The following NPR3 variants were observed in gnomAD, a reference collection of about 807,000 sequenced individuals.
NPR3 encodes atrial natriuretic peptide receptor 3.
Under a neutral mutation model 54.5 loss-of-function variants are expected in NPR3, and 34 were observed. That is an observed-to-expected ratio of 0.62 (90% CI 0.47 to 0.83). The LOEUF is 0.83. Ranked by LOEUF, NPR3 falls within the 40% of genes least tolerant of loss-of-function variation. The pLI, the probability that NPR3 is intolerant of heterozygous loss-of-function variation, is 0.00. For missense variants in NPR3, 674 were observed against 720.8 expected (o/e 0.94, Z 0.74); for synonymous variants, 289 against 297.1 (o/e 0.97, Z 0.28).
intron 1 of NPR3, among the ~76,000 whole-genome samples, chr5:32,698,589 T>C (rs1438949366): frequency 6.6e-6 from 1 of 152,198 alleles, no homozygotes; most frequent in Non-Finnish European, 1.5e-5. Flanking sequence ...AGTCTCCACC[T>C]ATTATTGTAT....
rs1303236527 is a variant in NPR3 at position 32,718,108 on chromosome 5, T to C, written c.769+5563T>C. Among the ~76,000 whole-genome samples the C allele has an allele frequency of 2.0e-5, 3 of 152,218 alleles. No individual in the cohort carries two copies. The East Asian group carries it at 5.8e-4, about 29-fold the overall frequency. ...AATTTTCCCAGCACCATTTATTAAA[T>C]AGGGAATTCTTTCCCCATTTCTCAT... On this transcript the variant is annotated intron_variant, in intron 1 of 7. Transcript: ENST00000265074.
At chr5:32,693,565 A>G (rs552687934) in intron 1 of NPR3, among the ~76,000 whole-genome samples, 6 of 152,332 alleles carry the variant, frequency 3.9e-5, no homozygotes, top group East Asian at 1.9e-4. Flanking sequence ...GAAATTTGGT[A>G]TATTTTTGTC....
rs1742883946 is a variant in NPR3, at chr5:32,791,091, A to G, written c.*4746A>G. 1 of 167,114 alleles carries G rather than the reference A, an allele frequency of 6.0e-6. No individual in the cohort carries two copies. The highest frequency in any genetic ancestry group is 2.4e-5 in the African/African-American group (1 of 41,468). 10.4% of individuals were successfully genotyped at this position (167,114 alleles called of 1,614,324 possible). A position where few individuals can be genotyped will look rare whatever the true frequency, so the allele number is the denominator to read the frequency against. Reference sequence around the variant, plus strand: ...GACAGAGATGGCTAAAAAAGAGGCAAATTCAGATTTGGAAACAGGGTGGCC... The same window carrying G: ...GACAGAGATGGCTAAAAAAGAGGCAGATTCAGATTTGGAAACAGGGTGGCC... On this transcript the variant is annotated 3_prime_UTR_variant, in exon 8 of 8. Transcript: ENST00000265074.
intron 3 of NPR3, among the ~76,000 whole-genome samples, chr5:32,769,062 C>A (rs966965027): frequency 1.3e-5 from 2 of 152,120 alleles, no homozygotes; most frequent in Admixed American, 1.3e-4. Context: ...AGTGAGAATT[C>A]CATGAAGACA....
At chr5:32,736,818 G>A (rs768300971) in intron 2 of NPR3, among the ~76,000 whole-genome samples, 30 of 152,140 alleles carry the variant, frequency 2.0e-4, no homozygotes, top group Non-Finnish European at 3.5e-4. Context: ...GTCAAGTTTT[G>A]CTCGGTGGCC....
rs1739905469 is a variant in NPR3 at position 32,739,067 on chromosome 5, C to T, written c.1059+37C>T. On this transcript the variant is annotated intron_variant, in intron 3 of 7. Transcript: ENST00000265074. ...ATTATGAGCCTAGACCTTTAGCATC[C>T]TGAAAACTGTCTTCTAATTAAATCA... The T allele has an allele frequency of 5.0e-6, 8 of 1,588,710 alleles. No individual in the cohort carries two copies. In the South Asian group the frequency reaches 8.0e-5, roughly 16 times the overall value.
At chr5:32,738,491 C>G (rs1739869157) in intron 2 of NPR3, among the ~76,000 whole-genome samples, 1 of 152,168 alleles carries the variant, frequency 6.6e-6, no homozygotes, top group Admixed American at 6.5e-5. Flanking sequence ...TGATTCACCT[C>G]CACAGTTGAT....
At chr5:32,723,596 A>G (rs1738980710) in intron 1 of NPR3, among the ~76,000 whole-genome samples, 1 of 152,334 alleles carries the variant, frequency 6.6e-6, no homozygotes, top group African/African-American at 2.4e-5. Flanking sequence ...AGGACAATGC[A>G]TTTACCATGC....
Position 32,713,462 on chromosome 5 carries a change from A to G in NPR3, c.769+917A>G, listed in dbSNP as rs545827249. 4 of 985,240 alleles carry G rather than the reference A, an allele frequency of 4.1e-6. No individual in the cohort carries two copies. In the African/African-American group the frequency reaches 7.0e-5, roughly 17 times the overall value. 61.0% of individuals were successfully genotyped at this position (985,240 alleles called of 1,614,324 possible). A position where few individuals can be genotyped will look rare whatever the true frequency, so the allele number is the denominator to read the frequency against. On this transcript the variant is annotated intron_variant, in intron 1 of 7. Transcript: ENST00000265074. ...TAGGGTAGAATCTGAGGGAAGGCGG[A>G]CTGAGATGCCGGTATAGCGCCGATC...
rs755963079 is a variant in NPR3 at position 32,780,705 on chromosome 5, C to T, written c.1196-17C>T. Reference sequence around the variant, plus strand: ...TTTAAGTAACCAACGTTGAGTTCTTCGCTTCTGGTCCTGTAGGTATCGCCG... The same window carrying T: ...TTTAAGTAACCAACGTTGAGTTCTTTGCTTCTGGTCCTGTAGGTATCGCCG... On this transcript the variant is annotated splice_polypyrimidine_tract_variant and intron_variant, in intron 4 of 7. Coordinates refer to ENST00000265074, the MANE Select transcript of NPR3 (RefSeq NM_001204375.2). 2.6e-5 allele frequency: 31 copies of T among 1,190,592 alleles called. No individual in the cohort carries two copies. The East Asian group carries it at 4.2e-4, about 16-fold the overall frequency. The allele number at this position is 1,190,592 out of a possible 1,614,324, so 73.8% of individuals were successfully genotyped here. A position where few individuals can be genotyped will look rare whatever the true frequency, so the allele number is the denominator to read the frequency against.
chr5:32,751,993 G>A lies in NPR3; in HGVS notation c.1059+12963G>A, dbSNP rs532152369. Reference sequence around the variant, plus strand: ...AAGCCAGGTGGATCACCTGAGGTCGGGAGTTCAAGACCAGCCTGGCCAACA... The same window carrying A: ...AAGCCAGGTGGATCACCTGAGGTCGAGAGTTCAAGACCAGCCTGGCCAACA... On this transcript the variant is annotated intron_variant, in intron 3 of 7. Coordinates refer to ENST00000265074, the MANE Select transcript of NPR3 (RefSeq NM_001204375.2). Among the ~76,000 whole-genome samples the A allele has an allele frequency of 5.3e-5, 8 of 152,164 alleles. 1 individual carries two copies. The South Asian group carries it at 1.7e-3, about 32-fold the overall frequency.
At chr5:32,698,227 C>T (rs1405400411) in intron 1 of NPR3, among the ~76,000 whole-genome samples, 1 of 151,958 alleles carries the variant, frequency 6.6e-6, no homozygotes, top group Non-Finnish European at 1.5e-5. Flanking sequence ...AAATTTCCTT[C>T]TTAATTTCTT....
intron 3 of NPR3, among the ~76,000 whole-genome samples, chr5:32,758,183 G>T (rs1268646247): frequency 2.0e-5 from 3 of 152,194 alleles, no homozygotes; most frequent in Admixed American, 1.3e-4. Context: ...AATGGTACCA[G>T]TTCCTCCTTG....
intron 4 of NPR3, 143 bp from the exon 5 acceptor site, chr5:32,780,579 C>A: frequency 1.5e-6 from 1 of 653,046 alleles, no homozygotes; most frequent in South Asian, 1.7e-5. Flanking sequence ...TCCAAAATGC[C>A]AACAAAAATG....
At chr5:32,781,254 G>A (rs1003881312) in intron 5 of NPR3, among the ~76,000 whole-genome samples, 3 of 151,928 alleles carry the variant, frequency 2.0e-5, no homozygotes, top group Non-Finnish European at 4.4e-5. Flanking sequence ...GTGCTTGGGA[G>A]TGTGAACTCT....
intron 1 of NPR3, among the ~76,000 whole-genome samples, chr5:32,721,504 G>T (rs1026906298): frequency 6.6e-6 from 1 of 152,148 alleles, no homozygotes; most frequent in Non-Finnish European, 1.5e-5. Flanking sequence ...TTAGCCGGGT[G>T]TGGTAACATG....
chr5:32,746,427 A>T (rs192924330), intron 3 of NPR3, among the ~76,000 whole-genome samples: 1 of 152,282 alleles, frequency 6.6e-6, no homozygotes, highest in East Asian at 1.9e-4. Context: ...CCATTCACCC[A>T]GTTACTGTCC....
At chr5:32,695,971 G>A (rs769789014) in intron 1 of NPR3, among the ~76,000 whole-genome samples, 3 of 152,040 alleles carry the variant, frequency 2.0e-5, no homozygotes, top group African/African-American at 4.8e-5. Flanking sequence ...CATTTTACGG[G>A]CTGCCTTCAC....
intron 1 of NPR3, among the ~76,000 whole-genome samples, chr5:32,692,622 C>A (rs942401982): frequency 6.6e-6 from 1 of 152,168 alleles, no homozygotes; most frequent in African/African-American, 2.4e-5. Flanking sequence ...CTATTTTAGT[C>A]TCATGCATCA....
Sources: gnomAD v4.1 joint callset for allele counts (sites outside exome capture counted in the v4.1 genomes callset) on GRCh38, gnomAD v4.1.1 for gene constraint, MANE v1.5 for transcripts, NCBI Gene and HGNC (gene_info 2026-07-23, HGNC 2026-07-21) for gene names.